CMTR1: variants seen among roughly 807,000 people sequenced by gnomAD.
CMTR1 encodes cap methyltransferase 1, also known as cap-specific mRNA (nucleoside-2'-O-)-methyltransferase 1.
CMTR1 carries 39 observed loss-of-function variants against 107.0 expected under a neutral mutation model. The observed-to-expected ratio is 0.36, with a 90% CI of 0.28 to 0.48. CMTR1 has a LOEUF of 0.48. CMTR1 is among the 20% of genes least tolerant of loss of function. CMTR1 has a pLI of 0.99. For synonymous variants in CMTR1, 366 were observed against 379.5 expected (o/e 0.96, Z 0.41); for missense variants, 672 against 1,064.9 (o/e 0.63, Z 5.14).
At chr6:37,450,208 G>A in intron 4 of CMTR1, 43 bp from the exon 5 acceptor site, 1 of 1,511,948 alleles carries the variant, frequency 6.6e-7, no homozygotes. Context: ...TTAGCTTTGA[G>A]GGTGTGTCAT....
At chr6:37,434,391 C>T (rs1430024634) in intron 1 of CMTR1, among the ~76,000 whole-genome samples, 1 of 152,124 alleles carries the variant, frequency 6.6e-6, no homozygotes. Flanking sequence ...GATTGTTTCC[C>T]AGCTTGTCGC....
chr6:37,453,061 C>T lies in CMTR1; in HGVS notation c.624C>T (p.Val208=). The change falls in exon 7 of 24, where the codon GTC becomes GTT. Residue 208 remains valine, a synonymous_variant. Coordinates refer to ENST00000373451, the MANE Select transcript of CMTR1 (RefSeq NM_015050.3). ...SVLQCKSVFD[V]LDGEEMRRAR... ...TCTCTGGGCAGAGCGTGTTTGATGT[C>T]TTGGATGGGGAAGAGATGCGGCGAG... is the stretch of plus-strand genomic sequence containing the variant. 1 of 1,614,040 alleles carries T rather than the reference C, an allele frequency of 6.2e-7. No homozygotes were observed. Among genetic ancestry groups the T allele is most frequent in the Non-Finnish European group, 8.5e-7 (1 of 1,179,992 alleles).
At chr6:37,449,453 T>C (rs1771886255) in intron 4 of CMTR1, among the ~76,000 whole-genome samples, 1 of 152,104 alleles carries the variant, frequency 6.6e-6, no homozygotes, top group Non-Finnish European at 1.5e-5. Flanking sequence ...GGTTTACAGA[T>C]GTGCACTGCC....
chr6:37,449,271 T>A (rs62406512), intron 4 of CMTR1, among the ~76,000 whole-genome samples: 11 of 145,244 alleles, frequency 7.6e-5, no homozygotes, highest in African/African-American at 2.1e-4. Context: ...ATTTTATGTT[T>A]TGTTATGTTA....
intron 13 of CMTR1, 59 bp downstream of exon 13, chr6:37,463,067 T>C: frequency 1.1e-5 from 16 of 1,517,350 alleles, no homozygotes; most frequent in Non-Finnish European, 1.3e-5. Flanking sequence ...GACCAGAGAG[T>C]GAAAGACTGA....
intron 22 of CMTR1, 150 bp from the exon 23 acceptor site, chr6:37,478,997 G>A: frequency 1.6e-6 from 1 of 608,390 alleles, no homozygotes. Flanking sequence ...CTTTGGGCTG[G>A]TGATGAAGGC....
chr6:37,455,441 A>T (rs1430733608), intron 8 of CMTR1, among the ~76,000 whole-genome samples: 1 of 152,220 alleles, frequency 6.6e-6, no homozygotes, highest in African/African-American at 2.4e-5. Context: ...AAAGGGGGCA[A>T]GGGGAGGAAA....
Position 37,480,994 on chromosome 6 carries a change from G to A in CMTR1, c.*849G>A. 1 of 1,299,566 alleles carries A rather than the reference G, an allele frequency of 7.7e-7. No homozygotes were observed. Among genetic ancestry groups the A allele is most frequent in the Middle Eastern group, 2.4e-4 (1 of 4,238 alleles). 80.5% of individuals were successfully genotyped at this position (1,299,566 alleles called of 1,614,324 possible). A position where few individuals can be genotyped will look rare whatever the true frequency, so the allele number is the denominator to read the frequency against. ...TAACAAAGGGTACCTCCAGGGGTTT[G>A]GGTAGCGCTGCCCTCTGGCAGTCAT... On this transcript the variant is annotated 3_prime_UTR_variant, in exon 24 of 24. Transcript: ENST00000373451.
upstream of CMTR1, among the ~76,000 whole-genome samples, chr6:37,428,795 T>G (rs971140543): frequency 8.5e-5 from 13 of 152,322 alleles, no homozygotes; most frequent in South Asian, 2.7e-3. Context: ...CATTTTGATT[T>G]TGACAACTTT....
chr6:37,425,797 G>T, the CMTR1 span, among the ~76,000 whole-genome samples: 10 of 152,144 alleles, frequency 6.6e-5, no homozygotes, highest in African/African-American at 2.4e-4. Flanking sequence ...AGTTTGTTAA[G>T]CTTCTTGAAT....
At chr6:37,431,710 G>A (rs1562112403), upstream of CMTR1, among the ~76,000 whole-genome samples, 1 of 152,186 alleles carries the variant, frequency 6.6e-6, no homozygotes, top group Non-Finnish European at 1.5e-5. Flanking sequence ...TCGAGATAGG[G>A]ACACTAAAGT....
At chr6:37,425,163 C>T in the CMTR1 span, among the ~76,000 whole-genome samples, 7 of 148,908 alleles carry the variant, frequency 4.7e-5, no homozygotes, top group African/African-American at 9.9e-5. Flanking sequence ...AGGCTGGTCT[C>T]GAACTCCTGA....
chr6:37,444,636 CAAG>C (rs1771744910), intron 3 of CMTR1, among the ~76,000 whole-genome samples: 1 of 152,170 alleles, frequency 6.6e-6, no homozygotes, highest in African/African-American at 2.4e-5. Flanking sequence ...TGATGTATCA[CAAG>C]AAGAATGGTG....
In CMTR1 at chr6:37,458,324, G is replaced by A. The variant is rs543700053; in HGVS notation, c.778-288G>A. Among the ~76,000 whole-genome samples, 189 of 152,218 alleles carry A rather than the reference G, an allele frequency of 1.2e-3. 1 individual carries two copies. Among genetic ancestry groups the A allele is most frequent in the Admixed American group, 4.6e-3 (71 of 15,282 alleles). ...GCCTCTCTGGCCTCCCAAAGTGCTG[G>A]GATTACAGGCTTGAGCCACCGCGCC... is the stretch of plus-strand genomic sequence containing the variant. On this transcript the variant is annotated intron_variant, in intron 8 of 23. Transcript: ENST00000373451. The surrounding 1 kb of genome is among the most constrained non-coding windows in gnomAD (Gnocchi z 4.7).
At chr6:37,436,066 T>A (rs965875595) in intron 2 of CMTR1, among the ~76,000 whole-genome samples, 1 of 152,206 alleles carries the variant, frequency 6.6e-6, no homozygotes, top group African/African-American at 2.4e-5. Flanking sequence ...GAGCATTGAG[T>A]GCTGTGTGCC....
intron 2 of CMTR1, among the ~76,000 whole-genome samples, chr6:37,437,197 T>A (rs1482556126): frequency 6.6e-6 from 1 of 151,224 alleles, no homozygotes; most frequent in Admixed American, 6.6e-5. Flanking sequence ...CTTAAAACAT[T>A]ATGAGATTTT....
chr6:37,430,750 C>T (rs1771350362), upstream of CMTR1, among the ~76,000 whole-genome samples: 1 of 152,148 alleles, frequency 6.6e-6, no homozygotes, highest in Admixed American at 6.5e-5. Flanking sequence ...CACGTTGGCT[C>T]ACGCCTGTAA....
chr6:37,446,690 C>T (rs1771804609), intron 4 of CMTR1, among the ~76,000 whole-genome samples: 2 of 152,186 alleles, frequency 1.3e-5, no homozygotes, highest in African/African-American at 2.4e-5. Flanking sequence ...GTAGAAGATG[C>T]TTGAAAGGCA....
chr6:37,444,380 G>C (rs1489883862), intron 3 of CMTR1, among the ~76,000 whole-genome samples: 1 of 152,104 alleles, frequency 6.6e-6, no homozygotes, highest in Non-Finnish European at 1.5e-5. Context: ...ATCTGGACTG[G>C]ATCACCTTTT....
Sources: allele counts gnomAD v4.1 joint callset (sites outside exome capture counted in the v4.1 genomes callset), GRCh38; gene constraint gnomAD v4.1.1; non-coding constraint Gnocchi (gnomAD v3.1); transcripts MANE v1.5; gene names NCBI Gene and HGNC (gene_info 2026-07-23, HGNC 2026-07-21).